CCDC77: variants seen among roughly 807,000 people sequenced by gnomAD.
CCDC77 encodes the protein coiled-coil domain-containing protein 77.
Under a neutral mutation model 66.8 loss-of-function variants are expected in CCDC77, and 56 were observed. The observed-to-expected ratio is 0.84, with a 90% CI of 0.68 to 1.05. The LOEUF is 1.05. Among genes scored for constraint, CCDC77 ranks in the 50% least tolerant of loss-of-function variants. The pLI is 0.00. For missense variants in CCDC77, 570 were observed against 576.8 expected (o/e 0.99, Z 0.12); for synonymous variants, 196 against 195.2 (o/e 1.00, Z -0.03).
chr12:415,741 G>A (rs28850111), intron 4 of CCDC77, among the ~76,000 whole-genome samples: 5 of 151,352 alleles, frequency 3.3e-5, no homozygotes, highest in South Asian at 2.1e-4. Context: ...CAAGCAATCC[G>A]CCTGCCTCAG....
At chr12:391,309 C>T (rs1944751153) in intron 1 of CCDC77, among the ~76,000 whole-genome samples, 1 of 151,978 alleles carries the variant, frequency 6.6e-6, no homozygotes, top group South Asian at 2.1e-4. Flanking sequence ...CAACAATTAG[C>T]CCAGGCGTGG....
intron 9 of CCDC77, among the ~76,000 whole-genome samples, chr12:434,471 G>C (rs1945711541): frequency 1.3e-5 from 2 of 151,584 alleles, no homozygotes; most frequent in Admixed American, 1.3e-4. Context: ...TCCTGCCTCA[G>C]CCTTCCAAGT....
chr12:395,736 A>C (rs770196247), intron 1 of CCDC77, among the ~76,000 whole-genome samples: 87 of 152,206 alleles, frequency 5.7e-4, no homozygotes, highest in Non-Finnish European at 6.2e-4. Context: ...TCTACTAAAA[A>C]TACAAAAATT....
intron 5 of CCDC77, among the ~76,000 whole-genome samples, chr12:424,213 C>T (rs1292431926): frequency 6.6e-6 from 1 of 152,140 alleles, no homozygotes; most frequent in Admixed American, 6.6e-5. Context: ...TCAAGTGATC[C>T]TCACCTCACC....
chr12:431,066 C>CA (rs372949107), intron 7 of CCDC77, among the ~76,000 whole-genome samples: 47,426 of 105,484 alleles, frequency 0.45, 10,154 homozygotes, highest in Non-Finnish European at 0.48. Context: ...AGACTATCTC[C>CA]AAAAAAAAAA....
chr12:418,357 G>A, intron 4 of CCDC77, 137 bp from the exon 5 acceptor site: 1 of 747,854 alleles, frequency 1.3e-6, no homozygotes, highest in Non-Finnish European at 2.2e-6. Context: ...CATGCCTATT[G>A]CTGTCATTTG....
chr12:429,463 CT>C (rs11385474), intron 6 of CCDC77, among the ~76,000 whole-genome samples: 211 of 142,876 alleles, frequency 1.5e-3, no homozygotes, highest in Admixed American at 1.6e-3. Flanking sequence ...CCAAGAGCTA[CT>C]TTTTTTTTTT....
intron 5 of CCDC77, among the ~76,000 whole-genome samples, chr12:426,388 G>A (rs143054543): frequency 1.5e-3 from 226 of 152,152 alleles, no homozygotes; most frequent in African/African-American, 5.2e-3. Context: ...ACTGAAATTG[G>A]GACCTACTGG....
chr12:418,716 T>C (rs1380342273), intron 5 of CCDC77, 80 bp downstream of exon 5: 4 of 1,473,964 alleles, frequency 2.7e-6, no homozygotes, highest in Non-Finnish European at 3.8e-6. Context: ...CATTCATTGA[T>C]TTAGAGGCAG....
At chr12:436,371 G>T (rs533505038) in intron 9 of CCDC77, among the ~76,000 whole-genome samples, 3 of 151,368 alleles carry the variant, frequency 2.0e-5, no homozygotes, top group South Asian at 4.2e-4. Context: ...TGATCTGCCC[G>T]CCTCGGCCTC....
rs1307027692 is a variant in CCDC77, at chr12:423,470, G to GTT, written c.413+4839_413+4840dup. 3.3e-3 allele frequency among the ~76,000 whole-genome samples: 146 copies of GTT among 44,870 alleles called. 20 individuals carry two copies. Among genetic ancestry groups the GTT allele is most frequent in the South Asian group, 5.9e-3 (6 of 1,022 alleles). The allele number at this position is 44,870 out of a possible 152,430, so 29.4% of individuals were successfully genotyped here. A position where few individuals can be genotyped will look rare whatever the true frequency, so the allele number is the denominator to read the frequency against. ...TTGTTATTTTCTGGGTGTTTTTTGT[G>GTT]TTTTTTGTGTTTTTTTTTGTTTTGT... On this transcript the variant is annotated intron_variant, in intron 5 of 12. Transcript: ENST00000239830.
chr12:418,682 C>T (rs1945333752), intron 5 of CCDC77, 46 bp downstream of exon 5: 2 of 1,350,286 alleles, frequency 1.5e-6, no homozygotes, highest in Non-Finnish European at 2.1e-6. Context: ...CTTTAAATTA[C>T]ATTCATTCAT....
Position 416,334 on chromosome 12 carries a change from GGTGTGTGGGGGTGTGTGTGT to G in CCDC77, c.271-2152_271-2133del, listed in dbSNP as rs1242058085. Among the ~76,000 whole-genome samples, 264 of 50,718 alleles carry G rather than the reference GGTGTGTGGGGGTGTGTGTGT, an allele frequency of 5.2e-3. 18 individuals carry two copies. Among genetic ancestry groups the G allele is most frequent in the Admixed American group, 5.9e-3 (22 of 3,754 alleles). The allele number at this position is 50,718 out of a possible 152,430, so 33.3% of individuals were successfully genotyped here. ...GTGTGTGTGTGTGTGTGAGTCTGTG[GGTGTGTGGGGGTGTGTGTGT>G]GTGTGTGTGTGTGTGTGTGTGTGTA... On this transcript the variant is annotated intron_variant, in intron 4 of 12. Transcript: ENST00000239830.
intron 5 of CCDC77, among the ~76,000 whole-genome samples, chr12:425,022 C>T (rs1009872132): frequency 5.9e-5 from 9 of 151,472 alleles, no homozygotes; most frequent in Admixed American, 5.9e-4. Context: ...CCTCCACCTC[C>T]CAGGCTCAGG....
intron 4 of CCDC77, among the ~76,000 whole-genome samples, chr12:413,732 A>G (rs550115562): frequency 1.3e-4 from 20 of 150,846 alleles, no homozygotes; most frequent in Admixed American, 6.6e-5. Context: ...GGTTCAAGCA[A>G]TTCTCCTGCC....
chr12:427,319 C>T (rs1278358306), intron 5 of CCDC77, among the ~76,000 whole-genome samples: 36 of 151,762 alleles, frequency 2.4e-4, no homozygotes, highest in Admixed American at 2.1e-3. Context: ...GTGCAGCCCT[C>T]AGCCTCTTTT....
chr12:405,797 TTA>T (rs1944979481), intron 2 of CCDC77, among the ~76,000 whole-genome samples: 1 of 152,188 alleles, frequency 6.6e-6, no homozygotes, highest in African/African-American at 2.4e-5. Context: ...CAGGCACTGT[TTA>T]TGTTACTAGG....
chr12:418,016 T>C (rs763537661), intron 4 of CCDC77, among the ~76,000 whole-genome samples: 3 of 152,198 alleles, frequency 2.0e-5, no homozygotes, highest in Admixed American at 1.3e-4. Context: ...ACTCATCCTG[T>C]AGCTGTTAAA....
At chr12:400,053 C>T (rs868749278), upstream of CCDC77, among the ~76,000 whole-genome samples, 1 of 152,270 alleles carries the variant, frequency 6.6e-6, no homozygotes, top group South Asian at 2.1e-4. Flanking sequence ...TAACTTGCTG[C>T]GGCATCTACA....
Sources: gnomAD v4.1 joint callset for allele counts (sites outside exome capture counted in the v4.1 genomes callset) on GRCh38, gnomAD v4.1.1 for gene constraint, MANE v1.5 for transcripts, NCBI Gene and HGNC (gene_info 2026-07-23, HGNC 2026-07-21) for gene names.